Variants in MED14 observed in about 807,000 individuals in gnomAD.
MED14 encodes the protein mediator complex subunit 14, also known as mediator of RNA polymerase II transcription subunit 14.
A neutral mutation model predicts 109.0 loss-of-function variants in MED14; 8 were observed. The observed-to-expected ratio is 0.07, with a 90% CI of 0.04 to 0.13. MED14 has a LOEUF of 0.13. Among genes scored for constraint, MED14 ranks in the 10% least tolerant of loss-of-function variants. MED14 has a pLI of 1.00. For synonymous variants in MED14, 399 were observed against 408.7 expected (o/e 0.98, Z 0.29); for missense variants, 711 against 1,142.4 (o/e 0.62, Z 5.44).
At chrX:40,690,275 TTTAGGTGCCTG>T (rs1930449849) in intron 15 of MED14, among the ~76,000 whole-genome samples, 1 of 111,401 alleles carries the variant, frequency 9.0e-6, no homozygotes, top group Admixed American at 9.5e-5. Flanking sequence ...GAGTATTTAT[TTTAGGTGCCTG>T]TTTCTAGGCT....
chrX:40,730,135 T>C (rs949827675), intron 1 of MED14, among the ~76,000 whole-genome samples: 1 of 112,360 alleles, frequency 8.9e-6, no homozygotes, highest in Non-Finnish European at 1.9e-5. Context: ...CCCAGCCATT[T>C]AGATTGTCTC....
At chrX:40,710,470 G>A (rs1207820202) in intron 8 of MED14, among the ~76,000 whole-genome samples, 1 of 111,687 alleles carries the variant, frequency 9.0e-6, no homozygotes, top group Non-Finnish European at 1.9e-5. Context: ...CCGGGGTGGG[G>A]AGAAAAACAG....
chrX:40,706,211 A>G (rs965678827), intron 10 of MED14, among the ~76,000 whole-genome samples: 1 of 112,048 alleles, frequency 8.9e-6, no homozygotes, highest in African/African-American at 3.2e-5. Flanking sequence ...ATCACAAAAA[A>G]GGATCAAGTA....
upstream of MED14, chrX:40,735,983 C>T: frequency 4.3e-6 from 1 of 235,175 alleles, no homozygotes; most frequent in South Asian, 3.9e-5. Context: ...GCTCTCCCTC[C>T]CGCCTCCGCC....
At chrX:40,716,990 G>A (rs1205038644) in intron 3 of MED14, among the ~76,000 whole-genome samples, 1 of 111,547 alleles carries the variant, frequency 9.0e-6, no homozygotes, top group Non-Finnish European at 1.9e-5. Flanking sequence ...GTAGAATGCT[G>A]GTTAGGAGAA....
At chrX:40,690,449 T>C (rs1335250351) in intron 15 of MED14, among the ~76,000 whole-genome samples, 1 of 111,249 alleles carries the variant, frequency 9.0e-6, no homozygotes, top group Non-Finnish European at 1.9e-5. Flanking sequence ...AGAAGGAGTC[T>C]CGCTCTGTCA....
chrX:40,708,871 T>C (rs1407554852), intron 10 of MED14, among the ~76,000 whole-genome samples: 1 of 112,356 alleles, frequency 8.9e-6, no homozygotes, highest in Non-Finnish European at 1.9e-5. Context: ...TTTACAAGTA[T>C]ATTATAAATA....
In MED14 at chrX:40,684,912, G is replaced by A. The variant is rs138018169; in HGVS notation, c.2058-1916C>T. On this transcript the variant is annotated intron_variant, in intron 16 of 30. Transcript: ENST00000324817. Reference sequence around the variant, plus strand: ...CAATGAGCTCTACCTCAAGGAATTCGTAAAATAGTTACTTGCTTTTAAGGT... The same window carrying A: ...CAATGAGCTCTACCTCAAGGAATTCATAAAATAGTTACTTGCTTTTAAGGT... 2.7e-3 allele frequency among the ~76,000 whole-genome samples: 303 copies of A among 111,284 alleles called. 2 individuals are homozygous for A. Among genetic ancestry groups the A allele is most frequent in the African/African-American group, 9.3e-3 (285 of 30,589 alleles).
At chrX:40,717,519 T>C (rs907694314) in intron 3 of MED14, among the ~76,000 whole-genome samples, 2 of 99,847 alleles carry the variant, frequency 2.0e-5, no homozygotes, top group African/African-American at 3.9e-5. Flanking sequence ...TTGTTGTTGT[T>C]GTTTCATTTT....
intron 3 of MED14, among the ~76,000 whole-genome samples, chrX:40,720,431 G>A (rs753545081): frequency 2.8e-4 from 31 of 112,216 alleles, no homozygotes; most frequent in African/African-American, 9.1e-4. Flanking sequence ...AAGCTGTGCT[G>A]GGCCAGAGGG....
At chrX:40,734,765 GTATTT>G (rs969661500) in intron 1 of MED14, among the ~76,000 whole-genome samples, 3 of 112,641 alleles carry the variant, frequency 2.7e-5, no homozygotes, top group African/African-American at 9.7e-5. Context: ...ATTCAAATTT[GTATTT>G]TATACACAAC....
At chrX:40,685,474 T>G (rs1396774846) in intron 16 of MED14, among the ~76,000 whole-genome samples, 1 of 112,576 alleles carries the variant, frequency 8.9e-6, no homozygotes, top group Non-Finnish European at 1.9e-5. Context: ...AAAAGAGCTG[T>G]GCCTGTGCAT....
intron 2 of MED14, 85 bp from the exon 3 acceptor site, chrX:40,726,936 TAAATA>T: frequency 1.3e-6 from 1 of 786,329 alleles, no homozygotes; most frequent in African/African-American, 2.1e-5. Context: ...AATAAATAAA[TAAATA>T]AATCAGCCTT....
rs1387212842 is a variant in MED14 at position 40,717,504 on chromosome X, T to C, written c.349-2794A>G. Among the ~76,000 whole-genome samples the C allele has an allele frequency of 4.9e-5, 5 of 103,067 alleles. No individual in the cohort carries two copies. In the East Asian group the frequency reaches 1.5e-3, roughly 31 times the overall value. The allele number at this position is 103,067 out of a possible 115,157, so 89.5% of individuals were successfully genotyped here. On this transcript the variant is annotated intron_variant, in intron 3 of 30. Transcript: ENST00000324817. Reference sequence around the variant, plus strand: ...AAAACCTTTATCTTCTAGTTCATGGTTTTTTTGTTGTTGTTGTTTCATTTT... The same window carrying C: ...AAAACCTTTATCTTCTAGTTCATGGCTTTTTTGTTGTTGTTGTTTCATTTT...
Position 40,651,766 on chromosome X carries a change from G to T in MED14, c.*40C>A, listed in dbSNP as rs1222626760. ...AGGCTGAATTCAGATTTTTTTTGTT[G>T]TCTCATCTGTCAGCCTTCCTGGTTT... On this transcript the variant is annotated 3_prime_UTR_variant, in exon 31 of 31. Transcript: ENST00000324817. 6.2e-6 allele frequency: 7 copies of T among 1,128,208 alleles called. No homozygotes were observed. In the Admixed American group the frequency reaches 1.6e-4, roughly 26 times the overall value. 93.0% of individuals were successfully genotyped at this position (1,128,208 alleles called of 1,213,427 possible). A position where few individuals can be genotyped will look rare whatever the true frequency, so the allele number is the denominator to read the frequency against.
chrX:40,718,538 A>G (rs912319065), intron 3 of MED14, among the ~76,000 whole-genome samples: 3 of 112,738 alleles, frequency 2.7e-5, no homozygotes, highest in African/African-American at 9.7e-5. Flanking sequence ...TACAATTAAT[A>G]AAGATAAAAC....
chrX:40,729,564 C>G, intron 1 of MED14: 1 of 389,213 alleles, frequency 2.6e-6, no homozygotes, highest in Non-Finnish European at 4.4e-6. Context: ...TTTCTCCATT[C>G]AAAATACTTC....
chrX:40,669,155 G>A (rs1929630856), intron 23 of MED14, among the ~76,000 whole-genome samples: 1 of 112,241 alleles, frequency 8.9e-6, no homozygotes, highest in African/African-American at 3.2e-5. Flanking sequence ...GGTTTGCTGT[G>A]AGGATTAAAC....
At chrX:40,696,227 C>T (rs755509896) in intron 13 of MED14, among the ~76,000 whole-genome samples, 46 of 107,760 alleles carry the variant, frequency 4.3e-4, no homozygotes, top group South Asian at 1.3e-3. Context: ...CTCCGCCTCC[C>T]GGGTTCACAC....
Sources: allele counts gnomAD v4.1 joint callset (sites outside exome capture counted in the v4.1 genomes callset), GRCh38; gene constraint gnomAD v4.1.1; transcripts MANE v1.5; gene names NCBI Gene and HGNC (gene_info 2026-07-23, HGNC 2026-07-21).